STX3: variants seen among roughly 807,000 people sequenced by gnomAD.
The protein encoded by STX3 is syntaxin 3, also known as syntaxin-3.
Under a neutral mutation model 40.2 loss-of-function variants are expected in STX3, and 19 were observed. The observed-to-expected ratio is 0.47, with a 90% CI of 0.33 to 0.69. STX3 has a LOEUF of 0.69. STX3 is among the 30% of genes least tolerant of loss of function. STX3 has a pLI of 0.02. For synonymous variants in STX3, 122 were observed against 132.2 expected (o/e 0.92, Z 0.53); for missense variants, 364 against 366.7 (o/e 0.99, Z 0.06).
intron 9 of STX3, among the ~76,000 whole-genome samples, chr11:59,796,223 T>A (rs916178966): frequency 1.3e-5 from 2 of 152,214 alleles, no homozygotes; most frequent in African/African-American, 4.8e-5. Flanking sequence ...GTAACTGGCT[T>A]CAGGCCACCT....
At chr11:59,787,215 C>T (rs775373078) in intron 3 of STX3, 79 bp downstream of exon 3, 16 of 1,268,860 alleles carry the variant, frequency 1.3e-5, no homozygotes, top group Non-Finnish European at 1.8e-5. Flanking sequence ...TCTTGCCCTT[C>T]GTGAGCAGTA....
intron 2 of STX3, among the ~76,000 whole-genome samples, chr11:59,779,395 A>T (rs1261807005): frequency 6.6e-6 from 1 of 152,200 alleles, no homozygotes. Context: ...CACAAAACAC[A>T]GTCATGAGGG....
At chr11:59,788,547 C>T (rs892544571) in intron 3 of STX3, among the ~76,000 whole-genome samples, 21 of 151,962 alleles carry the variant, frequency 1.4e-4, no homozygotes, top group Middle Eastern at 3.4e-3. Context: ...CCGAAGCTCC[C>T]GTGGTAGGCT....
chr11:59,771,412 C>A (rs1188097455), intron 1 of STX3, among the ~76,000 whole-genome samples: 1 of 118,702 alleles, frequency 8.4e-6, no homozygotes, highest in Non-Finnish European at 1.7e-5. Flanking sequence ...CTCCCCCCCC[C>A]CGCCCGCCCA....
intron 5 of STX3, 43 bp from the exon 6 acceptor site, chr11:59,792,064 A>T (rs1565187610): frequency 6.6e-7 from 1 of 1,507,772 alleles, no homozygotes; most frequent in South Asian, 1.2e-5. Flanking sequence ...TATAACAGTT[A>T]CAGAACCACT....
At chr11:59,782,826 C>T (rs934647439) in intron 2 of STX3, among the ~76,000 whole-genome samples, 2 of 149,654 alleles carry the variant, frequency 1.3e-5, no homozygotes, top group East Asian at 2.0e-4. Flanking sequence ...AACCTTGTCT[C>T]TACTAAAAAT....
chr11:59,784,829 A>G (rs1864648691), intron 2 of STX3, among the ~76,000 whole-genome samples: 1 of 152,178 alleles, frequency 6.6e-6, no homozygotes, highest in Non-Finnish European at 1.5e-5. Flanking sequence ...GGGTCGGGAC[A>G]CAGAGCCAAA....
At chr11:59,762,047 T>TAATGTCCG (rs2134867741) in intron 1 of STX3, among the ~76,000 whole-genome samples, 2 of 152,276 alleles carry the variant, frequency 1.3e-5, no homozygotes, top group African/African-American at 4.8e-5. Flanking sequence ...ACTAATGTCC[T>TAATGTCCG]CTTTCTGTTC....
At chr11:59,755,367 C>G (rs1439641192), upstream of STX3, 1 of 337,896 alleles carries the variant, frequency 3.0e-6, no homozygotes, top group African/African-American at 2.2e-5. Flanking sequence ...CGGCGCCGGC[C>G]CGGGAGCCGG....
At chr11:59,787,269 A>C (rs1191342541) in intron 3 of STX3, 133 bp downstream of exon 3, 117 of 664,238 alleles carry the variant, frequency 1.8e-4, no homozygotes, top group Middle Eastern at 2.9e-4. Context: ...ATATTATCTC[A>C]TTTCCCTCCC....
intron 1 of STX3, among the ~76,000 whole-genome samples, chr11:59,759,446 A>G (rs746722314): frequency 6.6e-5 from 10 of 152,226 alleles, no homozygotes; most frequent in East Asian, 1.9e-4. Context: ...CAGGATTGAC[A>G]AAGTCCTAGT....
intron 2 of STX3, among the ~76,000 whole-genome samples, chr11:59,779,257 A>G (rs2134958828): frequency 6.6e-6 from 1 of 152,334 alleles, no homozygotes; most frequent in Middle Eastern, 3.4e-3. Flanking sequence ...AAAGTCCGAG[A>G]CCAGGATTCC....
chr11:59,787,201 G>T (rs745836290), intron 3 of STX3, 65 bp downstream of exon 3: 428 of 1,455,368 alleles, frequency 2.9e-4, no homozygotes, highest in Non-Finnish European at 3.8e-4. Flanking sequence ...AGCCAGCCTT[G>T]TTTTCTTGCC....
In STX3 at chr11:59,801,852, T is replaced by C; in HGVS notation, c.*1028T>C. 1 of 984,864 alleles carries C rather than the reference T, an allele frequency of 1.0e-6. No homozygotes were observed. The highest frequency in any genetic ancestry group is 1.2e-6 in the Non-Finnish European group (1 of 829,816). 61.0% of individuals were successfully genotyped at this position (984,864 alleles called of 1,614,324 possible). On this transcript the variant is annotated 3_prime_UTR_variant, in exon 11 of 11. Transcript: ENST00000337979. The stretch of plus-strand genomic sequence containing the variant: ...AAAAAAAGCCAACTTTGAGCTAGGA[T>C]AAAAATTGGGTAAAGGACATTTGCT...
At chr11:59,760,195 G>A (rs1862957381) in intron 1 of STX3, among the ~76,000 whole-genome samples, 1 of 152,290 alleles carries the variant, frequency 6.6e-6, no homozygotes, top group African/African-American at 2.4e-5. Context: ...GAGTGTGGGG[G>A]AAGTCGGGGG....
In STX3 at chr11:59,793,476, G is replaced by A. The variant is rs1865327399; in HGVS notation, c.637G>A (p.Asp213Asn). 4 of 1,614,008 alleles carry A rather than the reference G, an allele frequency of 2.5e-6. No homozygotes were observed. Among genetic ancestry groups the A allele is most frequent in the Admixed American group, 1.7e-5 (1 of 60,002 alleles). The change falls in exon 8 of 11, where the codon GAC (aspartate) becomes AAC (asparagine). Residue 213 changes from aspartate to asparagine, a missense_variant. Asp to Asn is a conservative substitution (Grantham distance 23). Transcript: ENST00000337979. ...RLESSIKELH[D>N]MFMDIAMLVE... Reference sequence around the variant, plus strand: ...GGAGAGCAGCATCAAGGAGCTTCACGACATGTTTATGGACATCGCCATGCT... The same window carrying A: ...GGAGAGCAGCATCAAGGAGCTTCACAACATGTTTATGGACATCGCCATGCT...
intron 10 of STX3, among the ~76,000 whole-genome samples, chr11:59,798,793 C>T (rs569483955): frequency 2.1e-4 from 32 of 152,252 alleles, no homozygotes; most frequent in South Asian, 4.1e-4. Flanking sequence ...GGATTACAGG[C>T]GTGAGCCACT....
At chr11:59,782,294 G>A (rs1399133139) in intron 2 of STX3, among the ~76,000 whole-genome samples, 2 of 152,186 alleles carry the variant, frequency 1.3e-5, no homozygotes, top group African/African-American at 2.4e-5. Context: ...CTACTGATGA[G>A]GTCAGACTGT....
chr11:59,787,249 A>G lies in STX3; in HGVS notation c.214+113A>G, dbSNP rs886693689. ...TAGGGAAGTGTACAAGTTACAGGGC[A>G]CTAGTGTACATATTATCTCATTTCC... On this transcript the variant is annotated intron_variant, in intron 3 of 10. Coordinates refer to ENST00000337979, the MANE Select transcript of STX3 (RefSeq NM_004177.5). The G allele has an allele frequency of 3.1e-5, 25 of 806,096 alleles. No homozygotes were observed. In the South Asian group the frequency reaches 4.2e-4, roughly 13 times the overall value. The allele number at this position is 806,096 out of a possible 1,614,324, so 49.9% of individuals were successfully genotyped here.
Sources: gnomAD v4.1 joint callset for allele counts (sites outside exome capture counted in the v4.1 genomes callset) on GRCh38, gnomAD v4.1.1 for gene constraint, MANE v1.5 for transcripts, NCBI Gene and HGNC (gene_info 2026-07-23, HGNC 2026-07-21) for gene names.